ARID3A: variants seen among roughly 807,000 people sequenced by gnomAD.
ARID3A encodes AT-rich interactive domain-containing protein 3A.
In ARID3A, 11 loss-of-function variants were observed where a neutral mutation model predicts 52.7. The observed-to-expected ratio is 0.21, with a 90% CI of 0.13 to 0.35. The LOEUF (loss-of-function observed/expected upper bound fraction) is 0.35. Among genes scored for constraint, ARID3A ranks in the 10% least tolerant of loss-of-function variants. The pLI is 1.00. For missense variants in ARID3A, 721 were observed against 838.5 expected (o/e 0.86, Z 1.73); for synonymous variants, 404 against 359.4 (o/e 1.12, Z -1.40).
Position 975,754 on chromosome 19 carries a change from CAAAAAGA to C in ARID3A, c.*3690_*3696del, listed in dbSNP as rs2038365634. ...TTAAAAGGAAAAAAAAAAAAAAAGA[CAAAAAGA>C]CCAAAAAAAAAAAAAAGTGTGATTT... is the stretch of plus-strand genomic sequence containing the variant. On this transcript the variant is annotated 3_prime_UTR_variant, in exon 9 of 9. Coordinates refer to ENST00000263620, the MANE Select transcript of ARID3A (RefSeq NM_005224.3). 9.4e-6 allele frequency: 1 copy of C among 106,402 alleles called. No individual in the cohort carries two copies. Among genetic ancestry groups the C allele is most frequent in the South Asian group, 4.1e-4 (1 of 2,422 alleles). 6.6% of individuals were successfully genotyped at this position (106,402 alleles called of 1,614,324 possible). A position where few individuals can be genotyped will look rare whatever the true frequency, so the allele number is the denominator to read the frequency against.
intron 3 of ARID3A, among the ~76,000 whole-genome samples, chr19:946,627 G>C (rs879645739): frequency 6.6e-6 from 1 of 151,982 alleles, no homozygotes; most frequent in East Asian, 1.9e-4. Flanking sequence ...TTTTAGTAGA[G>C]ATGGGGTTTC....
At chr19:948,317 AG>A (rs946360962) in intron 3 of ARID3A, among the ~76,000 whole-genome samples, 1 of 151,848 alleles carries the variant, frequency 6.6e-6, no homozygotes, top group Admixed American at 6.6e-5. Context: ...GTGGACTGAC[AG>A]CCCCGTGTGG....
At chr19:930,423 A>C (rs1220439264) in intron 2 of ARID3A, among the ~76,000 whole-genome samples, 2 of 143,550 alleles carry the variant, frequency 1.4e-5, no homozygotes, top group African/African-American at 5.2e-5. Flanking sequence ...GTGGTGGCAG[A>C]AGCCTGTAAA....
intron 3 of ARID3A, 105 bp downstream of exon 3, chr19:932,847 G>C: frequency 6.7e-7 from 1 of 1,493,514 alleles, no homozygotes; most frequent in Non-Finnish European, 8.8e-7. Flanking sequence ...CGGGCGTCGA[G>C]TTGAGAGCTG....
chr19:968,058 AAG>A (rs2038197977), intron 7 of ARID3A, among the ~76,000 whole-genome samples: 1 of 148,550 alleles, frequency 6.7e-6, no homozygotes, highest in South Asian at 2.1e-4. Context: ...AAAAAAAAAA[AAG>A]AAAGAAACTC....
intron 7 of ARID3A, 34 bp from the exon 8 acceptor site, chr19:968,371 A>T (rs765316087): frequency 1.9e-6 from 3 of 1,566,556 alleles, no homozygotes; most frequent in East Asian, 4.5e-5. Context: ...AAAAAAAAAG[A>T]AAAAAAGAAA....
chr19:933,778 A>G, intron 3 of ARID3A, among the ~76,000 whole-genome samples: 1 of 145,540 alleles, frequency 6.9e-6, no homozygotes, highest in East Asian at 2.3e-4. Context: ...CTGGAAACTC[A>G]CAAATAGTAA....
chr19:935,259 C>T (rs1236899016), intron 3 of ARID3A, among the ~76,000 whole-genome samples: 1 of 152,186 alleles, frequency 6.6e-6, no homozygotes, highest in South Asian at 2.1e-4. Context: ...CAGGCCGCGG[C>T]GGGGGGCCGG....
chr19:964,698 T>C lies in ARID3A; in HGVS notation c.951-135T>C. On this transcript the variant is annotated intron_variant, in intron 5 of 8. Transcript: ENST00000263620. This position sits in a 1 kb window ranked among gnomAD's most constrained non-coding sequence, Gnocchi z 5.7. ...AGGGAATGGGCAAAGGCCCAGCAGC[T>C]CTGGGGGCTGCTGAGCAAGTCCAAG... is the stretch of plus-strand genomic sequence containing the variant. 2.9e-6 allele frequency: 4 copies of C among 1,398,168 alleles called. No individual in the cohort carries two copies. Among genetic ancestry groups the C allele is most frequent in the Non-Finnish European group, 2.9e-6 (3 of 1,048,588 alleles). 86.6% of individuals were successfully genotyped at this position (1,398,168 alleles called of 1,614,324 possible). A position where few individuals can be genotyped will look rare whatever the true frequency, so the allele number is the denominator to read the frequency against.
rs1266544789 is a variant in ARID3A at position 971,898 on chromosome 19, C to T, written c.1615C>T (p.Pro539Ser). ...CTTAGGAGTTCTGTTTGCTCAGCCG[C>T]CGGCCCCCACGCCAACCTCTGCTCC... ...MYTGVLFAQP[P>S]APTPTSAPNK... The change falls in exon 9 of 9, where the codon CCG becomes TCG. Residue 539 changes from proline (P) to serine (S), a missense_variant. This residue lies in a region of ARID3A where 297 missense variants were observed against 343.2 expected (regional missense o/e 0.87). Transcript: ENST00000263620. 2 of 1,602,814 alleles carry T rather than the reference C, an allele frequency of 1.2e-6. No individual in the cohort carries two copies. The highest frequency in any genetic ancestry group is 3.4e-5 in the Admixed American group (2 of 58,950).
At chr19:936,780 A>T (rs2037447664) in intron 3 of ARID3A, among the ~76,000 whole-genome samples, 1 of 152,068 alleles carries the variant, frequency 6.6e-6, no homozygotes, top group Admixed American at 6.5e-5. Context: ...AGCAGAGGTT[A>T]CAGTGAGCCG....
intron 2 of ARID3A, 150 bp downstream of exon 2, chr19:930,046 G>C (rs994232231): frequency 1.7e-6 from 2 of 1,207,772 alleles, no homozygotes; most frequent in Non-Finnish European, 2.3e-6. Flanking sequence ...GGAGGATCAC[G>C]TGGGCCCAGG....
At chr19:935,504 G>T (rs995334282) in intron 3 of ARID3A, among the ~76,000 whole-genome samples, 23 of 152,174 alleles carry the variant, frequency 1.5e-4, no homozygotes, top group Admixed American at 8.5e-4. Context: ...TTGAGGCAGG[G>T]TCTTACTCTG....
rs952407268 is a variant in ARID3A at position 942,451 on chromosome 19, A to G, written c.693+9709A>G. Among the ~76,000 whole-genome samples the G allele has an allele frequency of 6.6e-6, 1 of 152,166 alleles. No homozygotes were observed. The highest frequency in any genetic ancestry group is 1.5e-5 in the Non-Finnish European group (1 of 68,014). On this transcript the variant is annotated intron_variant, in intron 3 of 8. Coordinates refer to ENST00000263620, the MANE Select transcript of ARID3A (RefSeq NM_005224.3). The surrounding 1 kb of genome is among the most constrained non-coding windows in gnomAD (Gnocchi z 8.1). ...GCGGTGCCGACCTGGTGGGTGGCAC[A>G]CGGGGGGCGGGTGCGGACCGCCTCT...
At position 947,087 on chromosome 19, in the gene ARID3A, G is replaced by A. The variant is rs2037701612; in HGVS notation, c.694-13005G>A. On this transcript the variant is annotated intron_variant, in intron 3 of 8. Transcript: ENST00000263620. The surrounding 1 kb of genome is among the most constrained non-coding windows in gnomAD (Gnocchi z 6.3). ...TGGGATCAAAGGTGGGAGCCACTGT[G>A]CCCAGCCCACACTGAGATTCTGCAT... is the stretch of plus-strand genomic sequence containing the variant. Among the ~76,000 whole-genome samples the A allele has an allele frequency of 6.6e-6, 1 of 151,926 alleles. No individual in the cohort carries two copies. Among genetic ancestry groups the A allele is most frequent in the African/African-American group, 2.4e-5 (1 of 41,348 alleles).
intron 3 of ARID3A, among the ~76,000 whole-genome samples, chr19:937,097 G>A (rs1448564420): frequency 1.3e-5 from 2 of 152,058 alleles, no homozygotes; most frequent in African/African-American, 2.4e-5. Context: ...GCAAAACCCT[G>A]TCTTTACTAA....
chr19:960,922 C>T lies in ARID3A; in HGVS notation c.766+758C>T, dbSNP rs990665157. Among the ~76,000 whole-genome samples, 2 of 152,186 alleles carry T rather than the reference C, an allele frequency of 1.3e-5. No homozygotes were observed. The highest frequency in any genetic ancestry group is 4.8e-5 in the African/African-American group (2 of 41,450). ...GACAGACTCAGACGACCAAGGGTAG[C>T]CGGGGTGTCCCAGCGGCCATTCCCA... On this transcript the variant is annotated intron_variant, in intron 4 of 8. Coordinates refer to ENST00000263620, the MANE Select transcript of ARID3A (RefSeq NM_005224.3). This position sits in a 1 kb window ranked among gnomAD's most constrained non-coding sequence, Gnocchi z 4.3.
At chr19:950,862 TC>T (rs1343995097) in intron 3 of ARID3A, among the ~76,000 whole-genome samples, 7 of 152,070 alleles carry the variant, frequency 4.6e-5, no homozygotes, top group Non-Finnish European at 7.4e-5. Context: ...CACTCTTGTT[TC>T]CCAGGCTGGA....
rs1017913540 is a variant in ARID3A at position 974,899 on chromosome 19, C to T, written c.*2834C>T. 13 of 226,182 alleles carry T rather than the reference C, an allele frequency of 5.7e-5. No homozygotes were observed. Among genetic ancestry groups the T allele is most frequent in the Non-Finnish European group, 8.8e-5 (10 of 113,580 alleles). The allele number at this position is 226,182 out of a possible 1,614,324, so 14.0% of individuals were successfully genotyped here. On this transcript the variant is annotated 3_prime_UTR_variant, in exon 9 of 9. Transcript: ENST00000263620. Reference sequence around the variant, plus strand: ...GGGGGGTGGGCGCGAGGCTGGGTCCCGGCCCAGGAGAAGGAAGTCGCTGAA... The same window carrying T: ...GGGGGGTGGGCGCGAGGCTGGGTCCTGGCCCAGGAGAAGGAAGTCGCTGAA...
Sources: allele counts gnomAD v4.1 joint callset (sites outside exome capture counted in the v4.1 genomes callset), GRCh38; gene constraint gnomAD v4.1.1; regional missense constraint gnomAD v4.1.1; non-coding constraint Gnocchi (gnomAD v3.1); transcripts MANE v1.5; gene names NCBI Gene and HGNC (gene_info 2026-07-23, HGNC 2026-07-21).